The following PRKAR2A variants were observed in gnomAD, a reference collection of about 807,000 sequenced individuals.
PRKAR2A encodes the protein cAMP-dependent protein kinase type II-alpha regulatory subunit.
A neutral mutation model predicts 51.9 loss-of-function variants in PRKAR2A; 29 were observed. The observed-to-expected ratio is 0.56, with a 90% CI of 0.42 to 0.76. PRKAR2A has a LOEUF of 0.76. PRKAR2A is among the 30% of genes least tolerant of loss of function. The probability of loss-of-function intolerance (pLI) is 0.00; values close to 1 mark genes in which losing one functional copy is unlikely to be tolerated. For missense variants in PRKAR2A, 445 were observed against 512.1 expected, an observed-to-expected ratio of 0.87 and a Z score of 1.26; for synonymous variants, 178 against 186.2, an observed-to-expected ratio of 0.96 and a Z score of 0.36.
chr3:48,801,691 G>A (rs1450806025), intron 2 of PRKAR2A, among the ~76,000 whole-genome samples: 1 of 151,846 alleles, frequency 6.6e-6, no homozygotes, highest in East Asian at 1.9e-4. Context: ...TTCGTCTCCT[G>A]GGTTCAAGCG....
intron 2 of PRKAR2A, among the ~76,000 whole-genome samples, chr3:48,805,283 A>G (rs753104000): frequency 1.3e-4 from 20 of 152,192 alleles, no homozygotes; most frequent in Non-Finnish European, 2.9e-4. Flanking sequence ...CAAGAGAATC[A>G]ATAGAGACAT....
At chr3:48,811,636 G>A (rs1250621812) in intron 1 of PRKAR2A, among the ~76,000 whole-genome samples, 3 of 152,178 alleles carry the variant, frequency 2.0e-5, no homozygotes, top group Non-Finnish European at 4.4e-5. Flanking sequence ...ATGGTTGCCA[G>A]GAGATGAAAG....
At position 48,831,076 on chromosome 3, in the gene PRKAR2A, A is replaced by G. The variant is rs541166766; in HGVS notation, c.262+16259T>C. Among the ~76,000 whole-genome samples, 430 of 152,280 alleles carry G rather than the reference A, an allele frequency of 2.8e-3. 4 individuals carry two copies. Among genetic ancestry groups the G allele is most frequent in the African/African-American group, 9.8e-3 (408 of 41,558 alleles). On this transcript the variant is annotated intron_variant, in intron 1 of 10. Transcript: ENST00000265563. ...ACAGACCAATACTGGTCCATGGCCC[A>G]GGGGGTGGGGACCCGGGATGTACTA... is the stretch of plus-strand genomic sequence containing the variant.
intron 2 of PRKAR2A, among the ~76,000 whole-genome samples, chr3:48,804,691 G>C (rs948985980): frequency 5.9e-5 from 9 of 152,146 alleles, no homozygotes; most frequent in Admixed American, 5.2e-4. Flanking sequence ...ACAAAGAGTT[G>C]CAATGCTTGT....
intron 1 of PRKAR2A, among the ~76,000 whole-genome samples, chr3:48,822,758 C>T (rs922219819): frequency 2.9e-4 from 32 of 110,746 alleles, no homozygotes; most frequent in Admixed American, 6.2e-4. Flanking sequence ...GACAAGATCT[C>T]GTTCTGTTGC....
intron 8 of PRKAR2A, among the ~76,000 whole-genome samples, chr3:48,762,004 ATAT>A (rs1464222230): frequency 5.3e-5 from 8 of 152,234 alleles, no homozygotes; most frequent in East Asian, 1.9e-4. Flanking sequence ...TTAGGAGAAC[ATAT>A]TATTGATTTT....
downstream of PRKAR2A, among the ~76,000 whole-genome samples, chr3:48,745,984 C>G (rs2081557704): frequency 6.6e-6 from 1 of 152,158 alleles, no homozygotes; most frequent in Non-Finnish European, 1.5e-5. Flanking sequence ...CACCTTTGAA[C>G]TGGGATGTTG....
rs867208509 is a variant in PRKAR2A at position 48,792,145 on chromosome 3, T to G, written c.352-1518A>C. ...GGGTAACATAATAGATCACTAAAGT[T>G]TTGGTTTTTTTTTTGAGATGGAGTC... is the stretch of plus-strand genomic sequence containing the variant. On this transcript the variant is annotated intron_variant, in intron 3 of 10. Coordinates refer to ENST00000265563, the MANE Select transcript of PRKAR2A (RefSeq NM_004157.4). 2.6e-5 allele frequency among the ~76,000 whole-genome samples: 4 copies of G among 151,788 alleles called. No homozygotes were observed. In the South Asian group the frequency reaches 6.2e-4, roughly 24 times the overall value.
chr3:48,796,507 G>A (rs928249980), intron 2 of PRKAR2A, among the ~76,000 whole-genome samples: 3 of 151,848 alleles, frequency 2.0e-5, no homozygotes, highest in Admixed American at 6.6e-5. Flanking sequence ...TGCCCCGCCC[G>A]CTCCCAAGAC....
At chr3:48,833,908 G>T (rs1196381496) in intron 1 of PRKAR2A, among the ~76,000 whole-genome samples, 1 of 151,210 alleles carries the variant, frequency 6.6e-6, no homozygotes, top group Non-Finnish European at 1.5e-5. Context: ...ATGGTGGTGT[G>T]CACCTATAAT....
chr3:48,829,203 CCTCT>C (rs892585734), intron 1 of PRKAR2A, among the ~76,000 whole-genome samples: 11 of 151,744 alleles, frequency 7.2e-5, no homozygotes, highest in African/African-American at 2.2e-4. Flanking sequence ...AGCAAAATCT[CCTCT>C]CTATTAAAAC....
chr3:48,779,353 G>C (rs995847160), intron 5 of PRKAR2A, among the ~76,000 whole-genome samples: 1 of 152,130 alleles, frequency 6.6e-6, no homozygotes, highest in Non-Finnish European at 1.5e-5. Context: ...CAGTCTTTAA[G>C]TTGTGGACAT....
At chr3:48,753,184 C>T (rs1362310082) in intron 9 of PRKAR2A, among the ~76,000 whole-genome samples, 3 of 151,396 alleles carry the variant, frequency 2.0e-5, no homozygotes, top group African/African-American at 7.3e-5. Flanking sequence ...CTGCCCGCCT[C>T]GGCCTCTCAA....
At chr3:48,755,632 G>A (rs1462666847) in intron 9 of PRKAR2A, among the ~76,000 whole-genome samples, 7 of 149,868 alleles carry the variant, frequency 4.7e-5, no homozygotes, top group African/African-American at 1.7e-4. Flanking sequence ...TTTAAAGACA[G>A]GGTCTTGCTC....
At chr3:48,805,966 A>G (rs1329319325) in intron 2 of PRKAR2A, among the ~76,000 whole-genome samples, 1 of 152,218 alleles carries the variant, frequency 6.6e-6, no homozygotes, top group Non-Finnish European at 1.5e-5. Context: ...AGGTATCACT[A>G]TAGTCTCCAT....
chr3:48,797,613 C>G (rs2082516518), intron 2 of PRKAR2A, among the ~76,000 whole-genome samples: 1 of 152,174 alleles, frequency 6.6e-6, no homozygotes, highest in African/African-American at 2.4e-5. Context: ...CTTGTGTGGC[C>G]CATGCCACTT....
intron 2 of PRKAR2A, among the ~76,000 whole-genome samples, chr3:48,800,511 CAA>C (rs879413217): frequency 2.5e-5 from 3 of 121,908 alleles, no homozygotes; most frequent in Admixed American, 8.4e-5. Flanking sequence ...GACTCCGTCT[CAA>C]AAAAAAAAAA....
chr3:48,845,081 T>C (rs544413645), intron 1 of PRKAR2A, among the ~76,000 whole-genome samples: 111 of 152,314 alleles, frequency 7.3e-4, no homozygotes, highest in Admixed American at 1.5e-3. Context: ...AGGTTACTGC[T>C]TTGTGATTTA....
At chr3:48,814,973 G>A (rs1411487106) in intron 1 of PRKAR2A, among the ~76,000 whole-genome samples, 2 of 152,086 alleles carry the variant, frequency 1.3e-5, no homozygotes, top group Non-Finnish European at 2.9e-5. Flanking sequence ...ATGCAATGGT[G>A]CAATCTCGGC....
Sources: gnomAD v4.1 joint callset for allele counts (sites outside exome capture counted in the v4.1 genomes callset) on GRCh38, gnomAD v4.1.1 for gene constraint, MANE v1.5 for transcripts, NCBI Gene and HGNC (gene_info 2026-07-23, HGNC 2026-07-21) for gene names.